The following SLC66A3 variants were observed in gnomAD, a reference collection of about 807,000 sequenced individuals.
SLC66A3 encodes solute carrier family 66 member 3.
In SLC66A3, 23 loss-of-function variants were observed where a neutral mutation model predicts 25.5. The ratio of observed to expected loss-of-function variants is 0.90; its 90% confidence interval spans 0.65 to 1.28. SLC66A3 has a LOEUF of 1.28. Among genes scored for constraint, SLC66A3 ranks in the 50% most tolerant of loss-of-function variants. SLC66A3 has a pLI of 0.00. For missense variants in SLC66A3, 246 were observed against 262.1 expected, an observed-to-expected ratio of 0.94 and a Z score of 0.42; for synonymous variants, 108 against 112.6, an observed-to-expected ratio of 0.96 and a Z score of 0.26.
At chr2:11,168,704 C>G (rs1662440855) in intron 4 of SLC66A3, among the ~76,000 whole-genome samples, 1 of 152,114 alleles carries the variant, frequency 6.6e-6, no homozygotes. Flanking sequence ...ACAAGAGCCC[C>G]TCTCCTCACA....
At chr2:11,165,073 C>T (rs189015115) in intron 4 of SLC66A3, among the ~76,000 whole-genome samples, 10,598 of 151,916 alleles carry the variant, frequency 0.07, 480 homozygotes, top group African/African-American at 0.13. Flanking sequence ...GGGTGGCGGC[C>T]GGGCAGAGGG....
Position 11,176,996 on chromosome 2 carries a change from A to G in SLC66A3, c.518-741A>G, listed in dbSNP as rs562880123. The stretch of plus-strand genomic sequence containing the variant: ...ATATTTATTTATTTATTTTTCCACA[A>G]AGAGACACATTTTCATGGTTACTTG... On this transcript the variant is annotated intron_variant, in intron 6 of 6. Transcript: ENST00000295083. 5.9e-5 allele frequency among the ~76,000 whole-genome samples: 9 copies of G among 152,268 alleles called. No homozygotes were observed. In the South Asian group the frequency reaches 1.7e-3, roughly 28 times the overall value.
chr2:11,169,835 C>CTTT (rs1558257033), intron 4 of SLC66A3, among the ~76,000 whole-genome samples: 4 of 85,104 alleles, frequency 4.7e-5, no homozygotes, highest in African/African-American at 7.7e-5. Flanking sequence ...CTGGATTTCT[C>CTTT]TCTTTTTTTT....
Position 11,178,853 on chromosome 2 carries a change from T to C in SLC66A3, c.*1025T>C, listed in dbSNP as rs1662864633. 1 of 151,920 alleles carries C rather than the reference T, an allele frequency of 6.6e-6. No homozygotes were observed. The highest frequency in any genetic ancestry group is 2.1e-4 in the South Asian group (1 of 4,834). The allele number at this position is 151,920 out of a possible 1,614,324, so 9.4% of individuals were successfully genotyped here. A position where few individuals can be genotyped will look rare whatever the true frequency, so the allele number is the denominator to read the frequency against. ...CTATGCAAAATAAATTTTCATATTT[T>C]GAATTCTGCTGAGTCTTAAAACTGT... On this transcript the variant is annotated 3_prime_UTR_variant, in exon 7 of 7. Coordinates refer to ENST00000295083, the MANE Select transcript of SLC66A3 (RefSeq NM_152391.5).
At chr2:11,173,302 T>C (rs1444499949) in intron 5 of SLC66A3, among the ~76,000 whole-genome samples, 1 of 152,168 alleles carries the variant, frequency 6.6e-6, no homozygotes, top group Admixed American at 6.5e-5. Flanking sequence ...TATGTTTTCT[T>C]TGGAGAAATG....
At chr2:11,173,639 C>T (rs950244455) in intron 5 of SLC66A3, among the ~76,000 whole-genome samples, 7 of 152,320 alleles carry the variant, frequency 4.6e-5, no homozygotes, top group Admixed American at 2.6e-4. Context: ...GACCAAAAAA[C>T]TTCTATGTCA....
chr2:11,167,706 C>T (rs1478651230), intron 4 of SLC66A3, among the ~76,000 whole-genome samples: 1 of 152,124 alleles, frequency 6.6e-6, no homozygotes, highest in East Asian at 1.9e-4. Flanking sequence ...GGGTCCGGGG[C>T]ACAAGGTGGC....
chr2:11,171,949 G>C lies in SLC66A3; in HGVS notation c.379G>C (p.Ala127Pro), dbSNP rs756495560. The C allele has an allele frequency of 7.4e-6, 12 of 1,613,992 alleles. No homozygotes were observed. In the East Asian group the frequency reaches 2.7e-4, roughly 36 times the overall value. Residue 127 changes from alanine (A) to proline (P), a missense_variant, in exon 5 of 7, where the codon GCC becomes CCC. Coordinates refer to ENST00000295083, the MANE Select transcript of SLC66A3 (RefSeq NM_152391.5). ...GAATCTATGTACTTTCATCAGCGCG[G>C]CCAGTAAGTTTGCACAGCTCCAGTG... is the stretch of plus-strand genomic sequence containing the variant. ...AMNLCTFISAASKFAQLQCLW... is the reference protein window; with the variant it reads ...AMNLCTFISAPSKFAQLQCLW...
At chr2:11,162,352 G>T (rs549599893) in intron 3 of SLC66A3, among the ~76,000 whole-genome samples, 160 of 152,282 alleles carry the variant, frequency 1.1e-3, no homozygotes, top group African/African-American at 3.7e-3. Context: ...CTGGTTAAAG[G>T]TTTTGGTAAA....
chr2:11,171,663 G>A (rs1662557703), intron 4 of SLC66A3, among the ~76,000 whole-genome samples: 3 of 151,892 alleles, frequency 2.0e-5, no homozygotes, highest in Admixed American at 2.0e-4. Flanking sequence ...CCACCTCCCG[G>A]GTTCATGCCA....
Position 11,155,673 on chromosome 2 carries a change from C to G in SLC66A3, c.127C>G (p.Leu43Val). 6.9e-7 allele frequency: 1 copy of G among 1,452,778 alleles called. No homozygotes were observed. The highest frequency in any genetic ancestry group is 1.5e-5 in the African/African-American group (1 of 68,282). The allele number at this position is 1,452,778 out of a possible 1,614,324, so 90.0% of individuals were successfully genotyped here. A position where few individuals can be genotyped will look rare whatever the true frequency, so the allele number is the denominator to read the frequency against. Residue 43 changes from leucine to valine, a missense_variant, in exon 1 of 7, where the codon CTT becomes GTT. By Grantham distance (32) the Leu-to-Val change is conservative. Transcript: ENST00000295083. ...GCGGGGCCTCAGCCTTCCGAGTTTA[C>G]TTCTGGAGCTGGCAGGGTAAGGCCC... Reference protein sequence around the residue: ...SARGLSLPSLLLELAGFLVFL... With the variant: ...SARGLSLPSLVLELAGFLVFL...
intron 4 of SLC66A3, among the ~76,000 whole-genome samples, chr2:11,166,981 CT>C (rs1438184014): frequency 1.3e-5 from 2 of 152,174 alleles, no homozygotes; most frequent in Admixed American, 6.5e-5. Flanking sequence ...ACTAGATGTC[CT>C]GTATTTTTGT....
At chr2:11,176,819 C>T (rs564638185) in intron 6 of SLC66A3, among the ~76,000 whole-genome samples, 20 of 152,122 alleles carry the variant, frequency 1.3e-4, no homozygotes, top group Non-Finnish European at 2.1e-4. Flanking sequence ...TGAGCCACCG[C>T]GCCCGGCCAG....
intron 4 of SLC66A3, among the ~76,000 whole-genome samples, chr2:11,165,608 C>T (rs542694096): frequency 3.8e-4 from 58 of 152,230 alleles, no homozygotes; most frequent in South Asian, 6.2e-4. Flanking sequence ...ACTTCCCAGA[C>T]GGGGTGTCGG....
At chr2:11,164,859 G>A (rs1390152184) in intron 4 of SLC66A3, among the ~76,000 whole-genome samples, 1 of 152,164 alleles carries the variant, frequency 6.6e-6, no homozygotes, top group Non-Finnish European at 1.5e-5. Flanking sequence ...TGGGGGTAAG[G>A]TTATAGATCA....
At position 11,155,496 on chromosome 2, in the gene SLC66A3, T is replaced by C; in HGVS notation, c.-51T>C. 1 of 1,445,426 alleles carries C rather than the reference T, an allele frequency of 6.9e-7. No homozygotes were observed. 89.5% of individuals were successfully genotyped at this position (1,445,426 alleles called of 1,614,324 possible). ...TTCGGCAGAGCTGCGCCGCCGAGGCTGAGCGGTCCCTTCTCGCTGCGGCCG... is the reference window on the plus strand; with the variant it reads ...TTCGGCAGAGCTGCGCCGCCGAGGCCGAGCGGTCCCTTCTCGCTGCGGCCG... On this transcript the variant is annotated 5_prime_UTR_variant, in exon 1 of 7. Transcript: ENST00000295083.
At chr2:11,160,402 C>A in intron 1 of SLC66A3, 64 bp from the exon 2 acceptor site, 1 of 1,429,302 alleles carries the variant, frequency 7.0e-7, no homozygotes, top group Non-Finnish European at 9.9e-7. Flanking sequence ...TGTTCTGGTG[C>A]CTGCCAGGCC....
At chr2:11,165,954 G>T (rs531649158) in intron 4 of SLC66A3, among the ~76,000 whole-genome samples, 170 of 152,368 alleles carry the variant, frequency 1.1e-3, no homozygotes, top group African/African-American at 3.5e-3. Flanking sequence ...GCAGTGAGCC[G>T]AGATGGCGGC....
At chr2:11,168,588 C>G (rs567475964) in intron 4 of SLC66A3, among the ~76,000 whole-genome samples, 4 of 152,146 alleles carry the variant, frequency 2.6e-5, no homozygotes, top group Non-Finnish European at 5.9e-5. Context: ...TCCCATTCCG[C>G]ACCGACTCCT....
Sources: allele counts gnomAD v4.1 joint callset (sites outside exome capture counted in the v4.1 genomes callset), GRCh38; gene constraint gnomAD v4.1.1; transcripts MANE v1.5; gene names NCBI Gene and HGNC (gene_info 2026-07-23, HGNC 2026-07-21).